HDAC9: variants seen among roughly 807,000 people sequenced by gnomAD.
The protein encoded by HDAC9 is histone deacetylase 9.
A neutral mutation model predicts 139.4 loss-of-function variants in HDAC9; 41 were observed. That is an observed-to-expected ratio of 0.29 (90% CI 0.23 to 0.38). HDAC9 has a LOEUF of 0.38. Ranked by LOEUF, HDAC9 falls within the 10% of genes least tolerant of loss-of-function variation. The probability of loss-of-function intolerance (pLI) is 1.00; values close to 1 mark genes in which losing one functional copy is unlikely to be tolerated. For synonymous variants in HDAC9, 517 were observed against 476.2 expected (o/e 1.09, Z -1.12); for missense variants, 1,147 against 1,297.0 (o/e 0.88, Z 1.78).
At chr7:18,299,095 G>A (rs1304875531) in intron 1 of HDAC9, among the ~76,000 whole-genome samples, 3 of 151,992 alleles carry the variant, frequency 2.0e-5, no homozygotes, top group African/African-American at 7.2e-5. Context: ...TAAGATGACA[G>A]TAAATAACCT....
At chr7:18,987,454 CT>C (rs1238593422) in intron 25 of HDAC9, among the ~76,000 whole-genome samples, 1 of 152,172 alleles carries the variant, frequency 6.6e-6, no homozygotes, top group Non-Finnish European at 1.5e-5. Flanking sequence ...TGATGTGCTG[CT>C]GGATTTGGTT....
intron 13 of HDAC9, among the ~76,000 whole-genome samples, chr7:18,742,178 A>T (rs1413136624): frequency 6.6e-6 from 1 of 152,214 alleles, no homozygotes; most frequent in Non-Finnish European, 1.5e-5. Flanking sequence ...ATGCTATAAT[A>T]CTAAGCAGCA....
chr7:18,803,899 T>C (rs753852815), intron 17 of HDAC9, among the ~76,000 whole-genome samples: 142 of 152,196 alleles, frequency 9.3e-4, no homozygotes, highest in Non-Finnish European at 1.9e-3. Context: ...ATGATTAATT[T>C]ATTTAAAAAA....
chr7:18,142,976 C>T (rs190266515), intron 1 of HDAC9, among the ~76,000 whole-genome samples: 1 of 152,296 alleles, frequency 6.6e-6, no homozygotes, highest in Non-Finnish European at 1.5e-5. Context: ...GAGATATATT[C>T]AGTCCCTCCA....
intron 25 of HDAC9, among the ~76,000 whole-genome samples, chr7:18,993,874 A>G (rs557576509): frequency 4.8e-4 from 73 of 151,774 alleles, no homozygotes; most frequent in Non-Finnish European, 9.4e-4. Flanking sequence ...ATGGTTCAAT[A>G]GAAGGTGGGC....
chr7:18,753,511 A>T (rs1788622110), intron 14 of HDAC9, among the ~76,000 whole-genome samples: 2 of 152,128 alleles, frequency 1.3e-5, no homozygotes, highest in South Asian at 4.1e-4. Context: ...AATTCTGCTG[A>T]CATACAGAGA....
At chr7:18,415,967 A>G (rs989685000) in intron 1 of HDAC9, among the ~76,000 whole-genome samples, 7 of 152,046 alleles carry the variant, frequency 4.6e-5, no homozygotes, top group African/African-American at 1.7e-4. Flanking sequence ...TCCTTTTAAT[A>G]TATTATTGGA....
chr7:18,330,883 G>A (rs1184606770), intron 1 of HDAC9, among the ~76,000 whole-genome samples: 4 of 151,720 alleles, frequency 2.6e-5, no homozygotes, highest in African/African-American at 9.7e-5. Flanking sequence ...TGGCAGAACA[G>A]TAAGTTTAGC....
At chr7:18,167,913 A>C (rs1250305657) in intron 2 of HDAC9, among the ~76,000 whole-genome samples, 2 of 152,238 alleles carry the variant, frequency 1.3e-5, no homozygotes, top group Non-Finnish European at 2.9e-5. Context: ...CAAGAGGTGC[A>C]GTATTTTATA....
At chr7:18,984,493 A>G (rs1390665224) in intron 25 of HDAC9, among the ~76,000 whole-genome samples, 1 of 152,206 alleles carries the variant, frequency 6.6e-6, no homozygotes, top group Non-Finnish European at 1.5e-5. Flanking sequence ...TACATTGAAC[A>G]GAGAGTGTCA....
chr7:18,092,763 C>T (rs755849096), intron 1 of HDAC9, among the ~76,000 whole-genome samples: 1 of 152,106 alleles, frequency 6.6e-6, no homozygotes, highest in East Asian at 1.9e-4. Context: ...ATGATGACTT[C>T]TTGGAAGAGA....
At chr7:18,579,315 T>C (rs922778806) in intron 2 of HDAC9, among the ~76,000 whole-genome samples, 1 of 152,242 alleles carries the variant, frequency 6.6e-6, no homozygotes, top group African/African-American at 2.4e-5. Context: ...ACTATTGTTA[T>C]GGATCACACA....
intron 2 of HDAC9, among the ~76,000 whole-genome samples, chr7:18,277,386 A>G (rs557307761): frequency 1.3e-5 from 2 of 152,178 alleles, no homozygotes; most frequent in Non-Finnish European, 2.9e-5. Flanking sequence ...TGGGGCAGAC[A>G]AGCAGAGCAG....
rs1055200296 is a variant in HDAC9 at position 18,171,448 on chromosome 7, G to T, written c.25+9099G>T. Among the ~76,000 whole-genome samples the T allele has an allele frequency of 5.3e-5, 8 of 152,186 alleles. No homozygotes were observed. In the South Asian group the frequency reaches 1.7e-3, roughly 32 times the overall value. On this transcript the variant is annotated intron_variant, in intron 2 of 12. Coordinates refer to the HDAC9 transcript ENST00000417496. ...TGAATACCCTTTATTTCTTTCTCTT[G>T]CCTGATTGCGCTGGCCAGAACTTCC...
chr7:18,189,013 A>T (rs183761471), intron 2 of HDAC9, among the ~76,000 whole-genome samples: 1 of 152,354 alleles, frequency 6.6e-6, no homozygotes, highest in East Asian at 1.9e-4. Flanking sequence ...AAAGGAATAT[A>T]AATCATTCTG....
At chr7:18,907,040 C>T (rs1195181072) in intron 22 of HDAC9, 1 of 152,116 alleles carries the variant, frequency 6.6e-6, no homozygotes, top group African/African-American at 2.4e-5. Flanking sequence ...AGCACCCTCA[C>T]AAGAAAAGAA....
chr7:18,867,884 G>A (rs768282744), intron 21 of HDAC9, among the ~76,000 whole-genome samples: 8 of 151,868 alleles, frequency 5.3e-5, no homozygotes, highest in Admixed American at 1.3e-4. Flanking sequence ...TCTTCTGGGC[G>A]ATTTCTTCAA....
intron 2 of HDAC9, among the ~76,000 whole-genome samples, chr7:18,172,834 C>G (rs541846055): frequency 2.6e-5 from 4 of 152,136 alleles, no homozygotes; most frequent in South Asian, 2.1e-4. Context: ...TATAATTTCT[C>G]TTCTTTTACA....
intron 1 of HDAC9, among the ~76,000 whole-genome samples, chr7:18,366,782 T>A (rs992993124): frequency 1.3e-5 from 2 of 152,138 alleles, no homozygotes; most frequent in African/African-American, 4.8e-5. Context: ...CTGGCTCATA[T>A]TTCATTCTCA....
Sources: allele counts gnomAD v4.1 joint callset (sites outside exome capture counted in the v4.1 genomes callset), GRCh38; gene constraint gnomAD v4.1.1; transcripts MANE v1.5; gene names NCBI Gene and HGNC (gene_info 2026-07-23, HGNC 2026-07-21).